PLXDC1: variants seen among roughly 807,000 people sequenced by gnomAD.
PLXDC1 encodes the protein plexin domain containing 1.
A neutral mutation model predicts 61.3 loss-of-function variants in PLXDC1; 39 were observed. The ratio of observed to expected loss-of-function variants is 0.64; its 90% CI spans 0.49 to 0.83. The LOEUF is 0.83. PLXDC1 is among the 40% of genes least tolerant of loss of function. The pLI, the probability that PLXDC1 is intolerant of heterozygous loss-of-function variation, is 0.00. For synonymous variants in PLXDC1, 212 were observed against 254.5 expected (o/e 0.83, Z 1.59); for missense variants, 596 against 666.5 (o/e 0.89, Z 1.17).
chr17:39,084,270 G>A (rs577359132), intron 8 of PLXDC1, among the ~76,000 whole-genome samples: 1 of 152,342 alleles, frequency 6.6e-6, no homozygotes, highest in South Asian at 2.1e-4. Flanking sequence ...CATGAGGACT[G>A]TAGGTAATAA....
chr17:39,151,043 G>C lies in PLXDC1; in HGVS notation c.76+319C>G, dbSNP rs1302702009. 6.6e-6 allele frequency among the ~76,000 whole-genome samples: 1 copy of C among 152,238 alleles called. No individual in the cohort carries two copies. Among genetic ancestry groups the C allele is most frequent in the African/African-American group, 2.4e-5 (1 of 41,538 alleles). On this transcript the variant is annotated intron_variant, in intron 1 of 13. Coordinates refer to ENST00000315392, the MANE Select transcript of PLXDC1 (RefSeq NM_020405.5). This position sits in a 1 kb window ranked among gnomAD's most constrained non-coding sequence, Gnocchi z 5.2. ...TTCAGCCTTGCCTGGGGTGATCAGG[G>C]GTCCTGATGACTCTCCCGCTGTCCC...
At chr17:39,133,533 T>C (rs1407182909) in intron 2 of PLXDC1, among the ~76,000 whole-genome samples, 1 of 152,028 alleles carries the variant, frequency 6.6e-6, no homozygotes, top group Non-Finnish European at 1.5e-5. Context: ...TTCAAAGGAG[T>C]GCTTGTCATG....
chr17:39,117,559 TC>T (rs887209002), intron 2 of PLXDC1, among the ~76,000 whole-genome samples: 82 of 137,582 alleles, frequency 6.0e-4, no homozygotes, highest in African/African-American at 2.3e-3. Context: ...AGTGAGACCC[TC>T]CCCCCAAGTC....
intron 13 of PLXDC1, among the ~76,000 whole-genome samples, chr17:39,068,668 C>A (rs1270680697): frequency 2.0e-5 from 3 of 152,204 alleles, no homozygotes; most frequent in Non-Finnish European, 4.4e-5. Flanking sequence ...CAGAGTGAGA[C>A]TGTCTCGAAA....
At chr17:39,146,559 C>T (rs1597663293) in intron 1 of PLXDC1, among the ~76,000 whole-genome samples, 1 of 152,014 alleles carries the variant, frequency 6.6e-6, no homozygotes, top group East Asian at 2.0e-4. Flanking sequence ...TGCCTGTAGT[C>T]CCAGCACTTT....
chr17:39,072,097 G>C (rs1909141199), intron 12 of PLXDC1: 1 of 318,884 alleles, frequency 3.1e-6, no homozygotes, highest in Non-Finnish European at 6.0e-6. Flanking sequence ...AGCCCATGGG[G>C]ATCAGAGGGG....
Position 39,109,326 on chromosome 17 carries a change from C to G in PLXDC1, c.321G>C (p.Leu107=). The G allele has an allele frequency of 6.2e-7, 1 of 1,611,786 alleles. No homozygotes were observed. Among genetic ancestry groups the G allele is most frequent in the South Asian group, 1.1e-5 (1 of 90,276 alleles). Residue 107 remains leucine, a synonymous_variant, in exon 3 of 14, where the codon CTG becomes CTC. Coordinates refer to ENST00000315392, the MANE Select transcript of PLXDC1 (RefSeq NM_020405.5). ...GGTTGGCCTCGGCCACATCTACCCA[C>G]AGTTCCCGGCTGTGGGGCTCGCTGG... ...YGPSEPHSRE[L]WVDVAEANRS...
At chr17:39,131,384 C>A (rs972669400) in intron 2 of PLXDC1, among the ~76,000 whole-genome samples, 1 of 151,114 alleles carries the variant, frequency 6.6e-6, no homozygotes, top group Non-Finnish European at 1.5e-5. Context: ...GACAGAATCT[C>A]GCTCTGTCGC....
chr17:39,128,106 T>TATATATATATATATATAC (rs1567769551), intron 2 of PLXDC1, among the ~76,000 whole-genome samples: 23 of 98,478 alleles, frequency 2.3e-4, no homozygotes, highest in East Asian at 3.5e-4. Flanking sequence ...TGTATATATA[T>TATATATATATATATATAC]ATATATATGT....
intron 2 of PLXDC1, among the ~76,000 whole-genome samples, chr17:39,120,125 C>G (rs763719863): frequency 6.6e-6 from 1 of 152,124 alleles, no homozygotes; most frequent in African/African-American, 2.4e-5. Flanking sequence ...AATCACGCAC[C>G]CCTGCAGGCC....
At chr17:39,141,625 G>A (rs1049011046) in intron 1 of PLXDC1, among the ~76,000 whole-genome samples, 1 of 152,142 alleles carries the variant, frequency 6.6e-6, no homozygotes, top group Non-Finnish European at 1.5e-5. Context: ...TTTGAGACCT[G>A]GCCTTCAATT....
chr17:39,088,775 C>G (rs549166694), intron 7 of PLXDC1, among the ~76,000 whole-genome samples: 3 of 151,238 alleles, frequency 2.0e-5, no homozygotes, highest in Non-Finnish European at 4.4e-5. Flanking sequence ...TAGTAGAAAC[C>G]CTGTCTCTAC....
At chr17:39,091,137 T>C (rs1190230623) in intron 7 of PLXDC1, among the ~76,000 whole-genome samples, 1 of 152,172 alleles carries the variant, frequency 6.6e-6, no homozygotes, top group East Asian at 1.9e-4. Flanking sequence ...CCTTGTTTCT[T>C]CCTGATTACT....
intron 9 of PLXDC1, 152 bp from the exon 10 acceptor site, chr17:39,079,316 C>A: frequency 1.5e-6 from 1 of 673,742 alleles, no homozygotes; most frequent in Non-Finnish European, 2.7e-6. Flanking sequence ...CTCTACTTCC[C>A]CGGAAGATGA....
At chr17:39,138,820 T>A (rs490044) in intron 2 of PLXDC1, among the ~76,000 whole-genome samples, 1 of 151,970 alleles carries the variant, frequency 6.6e-6, no homozygotes, top group Non-Finnish European at 1.5e-5. Flanking sequence ...TTGTTGCTTC[T>A]TGCGTCCTAA....
rs376740692 is a variant in PLXDC1, at chr17:39,128,067, G to GTC, written c.255+11585_255+11586dup. Among the ~76,000 whole-genome samples the GTC allele has an allele frequency of 7.3e-3, 575 of 78,528 alleles. 42 individuals are homozygous for GTC. The highest frequency in any genetic ancestry group is 0.041 in the Admixed American group (302 of 7,408). 51.5% of individuals were successfully genotyped at this position (78,528 alleles called of 152,430 possible). On this transcript the variant is annotated intron_variant, in intron 2 of 13. Coordinates refer to ENST00000315392, the MANE Select transcript of PLXDC1 (RefSeq NM_020405.5). ...CAGCTCTCTCTCTCTCTCTCTCTCTGTCTCTCTCTCTCTCTCTCTCTCTCT... is the reference window on the plus strand; with the variant it reads ...CAGCTCTCTCTCTCTCTCTCTCTCTGTCTCTCTCTCTCTCTCTCTCTCTCTCT...
At chr17:39,116,561 C>T (rs541585526) in intron 2 of PLXDC1, among the ~76,000 whole-genome samples, 34 of 152,314 alleles carry the variant, frequency 2.2e-4, no homozygotes, top group South Asian at 4.1e-4. Context: ...CTCTGGGAAT[C>T]CAAGCCCACA....
chr17:39,096,924 A>C (rs1450245868), intron 7 of PLXDC1: 2 of 471,332 alleles, frequency 4.2e-6, no homozygotes, highest in African/African-American at 2.0e-5. Flanking sequence ...TGCTAATTGC[A>C]CATGACTTTT....
intron 2 of PLXDC1, among the ~76,000 whole-genome samples, chr17:39,133,733 C>T (rs114267692): frequency 3.3e-5 from 5 of 152,272 alleles, no homozygotes; most frequent in African/African-American, 1.2e-4. Flanking sequence ...ATCCTACAGC[C>T]TCAGCATCCC....
Sources: allele counts gnomAD v4.1 joint callset (sites outside exome capture counted in the v4.1 genomes callset), GRCh38; gene constraint gnomAD v4.1.1; non-coding constraint Gnocchi (gnomAD v3.1); transcripts MANE v1.5; gene names NCBI Gene and HGNC (gene_info 2026-07-23, HGNC 2026-07-21).